RGS6: variants seen among roughly 807,000 people sequenced by gnomAD.
The protein encoded by RGS6 is regulator of G-protein signaling 6.
RGS6 carries 30 observed loss-of-function variants against 78.5 expected under a neutral mutation model. The ratio of observed to expected loss-of-function variants is 0.38; its 90% CI spans 0.29 to 0.52. RGS6 has a LOEUF of 0.52. Ranked by LOEUF, RGS6 falls within the 20% of genes least tolerant of loss-of-function variation. The pLI is 0.85. For missense variants in RGS6, 495 were observed against 609.7 expected (o/e 0.81, Z 1.98); for synonymous variants, 206 against 206.0 (o/e 1.00, Z 0.00).
chr14:72,526,143 A>T (rs1402164331), intron 15 of RGS6, among the ~76,000 whole-genome samples: 2 of 149,768 alleles, frequency 1.3e-5, no homozygotes, highest in East Asian at 1.9e-4. Flanking sequence ...TTGCTCTGTC[A>T]CCCAGGCTGG....
chr14:72,155,114 A>C (rs1171529995), intron 2 of RGS6, among the ~76,000 whole-genome samples: 1 of 152,218 alleles, frequency 6.6e-6, no homozygotes, highest in Non-Finnish European at 1.5e-5. Context: ...CATTCCCTCC[A>C]GAGTGCAGGG....
At chr14:72,203,034 C>A (rs1419052958) in intron 2 of RGS6, among the ~76,000 whole-genome samples, 2 of 151,940 alleles carry the variant, frequency 1.3e-5, no homozygotes, top group African/African-American at 4.8e-5. Flanking sequence ...GCCACCACAC[C>A]CGGCTAATTT....
At chr14:72,413,975 G>A (rs906918717) in intron 3 of RGS6, among the ~76,000 whole-genome samples, 4 of 152,168 alleles carry the variant, frequency 2.6e-5, no homozygotes, top group African/African-American at 4.8e-5. Flanking sequence ...TGGGTAACCC[G>A]ACCTTTCTCT....
At chr14:72,335,887 C>A (rs540422627) in intron 2 of RGS6, among the ~76,000 whole-genome samples, 2 of 152,268 alleles carry the variant, frequency 1.3e-5, no homozygotes, top group African/African-American at 4.8e-5. Context: ...TGCTAAAATG[C>A]TTTCACAGGA....
At chr14:72,105,126 G>A (rs1395130505) in intron 2 of RGS6, among the ~76,000 whole-genome samples, 5 of 152,116 alleles carry the variant, frequency 3.3e-5, no homozygotes, top group African/African-American at 1.2e-4. Context: ...TTGAGTATCA[G>A]GCATCAGCCA....
At chr14:71,955,832 AT>A (rs11353343) in intron 1 of RGS6, among the ~76,000 whole-genome samples, 80,065 of 151,898 alleles carry the variant, frequency 0.53, 21,633 homozygotes, top group African/African-American at 0.59. Flanking sequence ...TCTCAGCCTC[AT>A]TTTACCCAGC....
chr14:72,494,400 G>T (rs376697784), intron 12 of RGS6, among the ~76,000 whole-genome samples: 2 of 151,994 alleles, frequency 1.3e-5, no homozygotes, highest in African/African-American at 4.8e-5. Context: ...ATATAAAAGC[G>T]TATAATTTAG....
intron 2 of RGS6, among the ~76,000 whole-genome samples, chr14:72,206,135 A>T: frequency 6.6e-6 from 1 of 152,356 alleles, no homozygotes; most frequent in South Asian, 2.1e-4. Context: ...AATCAATTAT[A>T]ATATGCCTCT....
At chr14:72,044,828 A>T (rs2092704430) in intron 2 of RGS6, among the ~76,000 whole-genome samples, 1 of 152,056 alleles carries the variant, frequency 6.6e-6, no homozygotes, top group African/African-American at 2.4e-5. Flanking sequence ...AGCCGAGATG[A>T]TGCCACTGCA....
intron 2 of RGS6, among the ~76,000 whole-genome samples, chr14:72,123,975 A>T (rs1052417758): frequency 6.6e-6 from 1 of 152,130 alleles, no homozygotes; most frequent in African/African-American, 2.4e-5. Flanking sequence ...AAATGACCTT[A>T]AAATATCAGT....
chr14:71,872,047 T>C, the RGS6 span, among the ~76,000 whole-genome samples: 1 of 152,142 alleles, frequency 6.6e-6, no homozygotes, highest in African/African-American at 2.4e-5. Context: ...TCCCTGCTCC[T>C]TGACAACTTT....
At chr14:72,541,963 G>A (rs1009702579) in intron 17 of RGS6, among the ~76,000 whole-genome samples, 1 of 152,174 alleles carries the variant, frequency 6.6e-6, no homozygotes, top group African/African-American at 2.4e-5. Flanking sequence ...TGTTAGCAAA[G>A]CATTTGGAAC....
At chr14:71,959,293 A>T (rs2093022830) in intron 1 of RGS6, among the ~76,000 whole-genome samples, 1 of 151,876 alleles carries the variant, frequency 6.6e-6, no homozygotes, top group African/African-American at 2.4e-5. Context: ...CATCTTGTAA[A>T]TTTTTTTTCC....
At chr14:71,906,789 C>CTG in the RGS6 span, among the ~76,000 whole-genome samples, 3 of 151,834 alleles carry the variant, frequency 2.0e-5, no homozygotes, top group Non-Finnish European at 4.4e-5. Context: ...GAGGTCAGAT[C>CTG]AGTTTATGCT....
chr14:72,343,871 A>T (rs1404037671), intron 2 of RGS6, among the ~76,000 whole-genome samples: 1 of 152,216 alleles, frequency 6.6e-6, no homozygotes. Flanking sequence ...AAATTCAGGT[A>T]ATTTGAGGAG....
intron 3 of RGS6, among the ~76,000 whole-genome samples, chr14:72,413,379 T>C (rs555884125): frequency 3.3e-4 from 50 of 152,342 alleles, no homozygotes; most frequent in Admixed American, 3.1e-3. Context: ...TATCAGAGAC[T>C]AGGATTGCAA....
intron 13 of RGS6, among the ~76,000 whole-genome samples, chr14:72,495,724 C>G (rs1021935315): frequency 1.3e-5 from 2 of 152,128 alleles, no homozygotes; most frequent in African/African-American, 4.8e-5. Context: ...TGAACTTGCC[C>G]AAGGTCATAC....
chr14:71,986,976 C>G (rs1318501966), intron 2 of RGS6, among the ~76,000 whole-genome samples: 2 of 152,068 alleles, frequency 1.3e-5, no homozygotes, highest in Non-Finnish European at 2.9e-5. Flanking sequence ...TTACATGGAG[C>G]CCACACACAT....
intron 2 of RGS6, among the ~76,000 whole-genome samples, chr14:72,019,174 C>T (rs2087787835): frequency 1.3e-5 from 2 of 152,146 alleles, no homozygotes; most frequent in Admixed American, 1.3e-4. Context: ...CTGGCCCAAT[C>T]CCATGTCAGG....
Sources: allele counts gnomAD v4.1 joint callset (sites outside exome capture counted in the v4.1 genomes callset), GRCh38; gene constraint gnomAD v4.1.1; transcripts MANE v1.5; gene names NCBI Gene and HGNC (gene_info 2026-07-23, HGNC 2026-07-21).